CREBBP: variants seen among roughly 807,000 people sequenced by gnomAD.
The protein encoded by CREBBP is CREB-binding protein.
CREBBP carries 19 observed loss-of-function variants against 265.0 expected under a neutral mutation model. The observed-to-expected ratio is 0.07, with a 90% CI of 0.05 to 0.11. CREBBP has a LOEUF of 0.11. CREBBP is among the 10% of genes least tolerant of loss of function. The probability of loss-of-function intolerance (pLI) is 1.00; values close to 1 mark genes in which losing one functional copy is unlikely to be tolerated. For synonymous variants in CREBBP, 1,457 were observed against 1,223.7 expected (o/e 1.19, Z -3.98); for missense variants, 2,525 against 3,219.0 (o/e 0.78, Z 5.22).
intron 5 of CREBBP, among the ~76,000 whole-genome samples, chr16:3,791,012 G>A (rs976348383): frequency 2.6e-5 from 4 of 152,118 alleles, no homozygotes; most frequent in Non-Finnish European, 5.9e-5. Flanking sequence ...GAATGAACAC[G>A]TAATACACAA....
intron 2 of CREBBP, among the ~76,000 whole-genome samples, chr16:3,849,035 T>C (rs973327338): frequency 1.3e-5 from 2 of 152,214 alleles, no homozygotes; most frequent in African/African-American, 2.4e-5. Flanking sequence ...TGTTCTACTC[T>C]TATTCTCCCT....
intron 3 of CREBBP, among the ~76,000 whole-genome samples, chr16:3,801,582 A>C (rs1430352219): frequency 5.3e-5 from 8 of 152,176 alleles, no homozygotes; most frequent in Non-Finnish European, 8.8e-5. Flanking sequence ...AGGCAAAAGA[A>C]TCGCTTGAAC....
chr16:3,745,045 T>C (rs2052308755), intron 22 of CREBBP, 84 bp from the exon 23 acceptor site: 5 of 1,089,816 alleles, frequency 4.6e-6, no homozygotes, highest in Admixed American at 3.5e-5. Context: ...AGATAGTTTG[T>C]TGGCAGTTTA....
At position 3,744,952 on chromosome 16, in the gene CREBBP, G is replaced by A. The variant is rs146817265; in HGVS notation, c.3924C>T (p.Cys1308=). ...TGCCAGTTTTCTTCAAGCAGTTGTC[G>A]CACACAAAACTGCAAAATAATAGTG... is the stretch of plus-strand genomic sequence containing the variant. ...YDIIWPSGFV[C]DNCLKKTGRP... is the part of the protein sequence containing the mutation. The change falls in exon 23 of 31, where the codon TGC becomes TGT. Residue 1308 remains cysteine, a synonymous_variant. Transcript: ENST00000262367. 1.1e-5 allele frequency: 17 copies of A among 1,612,770 alleles called. No homozygotes were observed. The highest frequency in any genetic ancestry group is 1.6e-4 in the Middle Eastern group (1 of 6,084).
intron 1 of CREBBP, among the ~76,000 whole-genome samples, chr16:3,873,419 TACACTATC>T (rs2055339223): frequency 6.6e-6 from 1 of 152,228 alleles, no homozygotes; most frequent in Non-Finnish European, 1.5e-5. Flanking sequence ...GCTGAGGTGC[TACACTATC>T]ACACGCGTGC....
At chr16:3,878,592 G>GT (rs952658819) in intron 1 of CREBBP, among the ~76,000 whole-genome samples, 1 of 152,058 alleles carries the variant, frequency 6.6e-6, no homozygotes, top group Non-Finnish European at 1.5e-5. Flanking sequence ...AGCAATAGCA[G>GT]TTTTTTTTAA....
At position 3,731,408 on chromosome 16, in the gene CREBBP, G is replaced by C; in HGVS notation, c.4956C>G (p.Pro1652=). ...VINTLPPIVD[P]DPLLSCDLMD... ...TGAGGTCACAGCTGAGCAGGGGGTC[G>C]GGGTCGACGATGGGGGGCAGGGTGT... The change falls in exon 30 of 31, where the codon CCC becomes CCG. Residue 1652 remains proline, a synonymous_variant. Coordinates refer to ENST00000262367, the MANE Select transcript of CREBBP (RefSeq NM_004380.3). The surrounding 1 kb of genome is among the most constrained non-coding windows in gnomAD (Gnocchi z 7.7). 2 of 1,607,692 alleles carry C rather than the reference G, an allele frequency of 1.2e-6. No homozygotes were observed. Among genetic ancestry groups the C allele is most frequent in the Non-Finnish European group, 1.7e-6 (2 of 1,177,470 alleles).
In CREBBP at chr16:3,731,186, G is replaced by A. The variant is rs953244719; in HGVS notation, c.5172+6C>T. 1.9e-6 allele frequency: 3 copies of A among 1,608,806 alleles called. No individual in the cohort carries two copies. The highest frequency in any genetic ancestry group is 2.5e-6 in the Non-Finnish European group (3 of 1,176,888). ...CTGTGGGGGTGGGGGTGGGGGCAGG[G>A]CCTACCTCGCACACAGTGCAGTGCC... On this transcript the variant is annotated splice_donor_region_variant and intron_variant, in intron 30 of 30. Transcript: ENST00000262367. The surrounding 1 kb of genome is among the most constrained non-coding windows in gnomAD (Gnocchi z 7.7).
chr16:3,737,601 G>A (rs1429343076), intron 26 of CREBBP, among the ~76,000 whole-genome samples: 5 of 151,192 alleles, frequency 3.3e-5, no homozygotes, highest in African/African-American at 1.2e-4. Flanking sequence ...CTGGGATTAC[G>A]CTAGGCACCC....
At chr16:3,861,983 C>A (rs763758782) in intron 1 of CREBBP, among the ~76,000 whole-genome samples, 1 of 152,170 alleles carries the variant, frequency 6.6e-6, no homozygotes, top group Non-Finnish European at 1.5e-5. Context: ...CGGCAGCCCC[C>A]ACCCTCTCCT....
At chr16:3,803,352 A>G (rs2053763952) in intron 3 of CREBBP, among the ~76,000 whole-genome samples, 1 of 149,252 alleles carries the variant, frequency 6.7e-6, no homozygotes, top group Non-Finnish European at 1.5e-5. Flanking sequence ...TAAAAATACA[A>G]AAATTAGCCA....
At chr16:3,771,608 T>C (rs915188076) in intron 13 of CREBBP, among the ~76,000 whole-genome samples, 1 of 151,942 alleles carries the variant, frequency 6.6e-6, no homozygotes, top group African/African-American at 2.4e-5. Flanking sequence ...CGCCTGAAAC[T>C]GCGGATAGTA....
rs950174715 is a variant in CREBBP, at chr16:3,796,463, T to C, written c.976-2837A>G. On this transcript the variant is annotated intron_variant, in intron 3 of 30. Coordinates refer to ENST00000262367, the MANE Select transcript of CREBBP (RefSeq NM_004380.3). ...GTGCAGTGGCGCCACCTCAGCTTAC[T>C]GCAACCTCTGCCTCCTGGGTTCAAG... 6.6e-5 allele frequency among the ~76,000 whole-genome samples: 10 copies of C among 151,762 alleles called. No homozygotes were observed. In the East Asian group the frequency reaches 1.9e-3, roughly 30 times the overall value.
At chr16:3,823,612 G>C (rs548534145) in intron 2 of CREBBP, among the ~76,000 whole-genome samples, 1 of 152,208 alleles carries the variant, frequency 6.6e-6, no homozygotes, top group East Asian at 1.9e-4. Flanking sequence ...TTTCTCCTCA[G>C]ACATCCCACG....
intron 8 of CREBBP, among the ~76,000 whole-genome samples, chr16:3,779,225 G>GT (rs1280441087): frequency 6.6e-6 from 1 of 151,224 alleles, no homozygotes; most frequent in Non-Finnish European, 1.5e-5. Flanking sequence ...CCAGGCTGGA[G>GT]TACAGTGGCA....
intron 2 of CREBBP, among the ~76,000 whole-genome samples, chr16:3,814,467 G>A (rs1254246337): frequency 6.6e-6 from 1 of 151,924 alleles, no homozygotes; most frequent in Non-Finnish European, 1.5e-5. Flanking sequence ...TGTTGGCCAC[G>A]CTGGCCTCAA....
At chr16:3,824,454 C>T (rs2054200320) in intron 2 of CREBBP, among the ~76,000 whole-genome samples, 1 of 152,234 alleles carries the variant, frequency 6.6e-6, no homozygotes, top group Non-Finnish European at 1.5e-5. Flanking sequence ...TTAAAATGAA[C>T]ACGGAAACTG....
At position 3,725,410 on chromosome 16, in the gene CREBBP, A is replaced by G. The variant is rs984020080; in HGVS notation, c.*2308T>C. 6.4e-5 allele frequency: 15 copies of G among 233,180 alleles called. No homozygotes were observed. The highest frequency in any genetic ancestry group is 1.2e-4 in the Non-Finnish European group (14 of 118,046). The allele number at this position is 233,180 out of a possible 1,614,324, so 14.4% of individuals were successfully genotyped here. A position where few individuals can be genotyped will look rare whatever the true frequency, so the allele number is the denominator to read the frequency against. On this transcript the variant is annotated 3_prime_UTR_variant, in exon 31 of 31. Transcript: ENST00000262367. ...AAGGCTGCACAACCAGGAGGGCGCCACTTTCTGAGTGTGGGCTTAGAGCTG... is the reference window on the plus strand; with the variant it reads ...AAGGCTGCACAACCAGGAGGGCGCCGCTTTCTGAGTGTGGGCTTAGAGCTG...
intron 2 of CREBBP, among the ~76,000 whole-genome samples, chr16:3,824,968 T>A (rs536434859): frequency 6.6e-6 from 1 of 152,296 alleles, no homozygotes; most frequent in East Asian, 1.9e-4. Context: ...GGATAGCACA[T>A]GGGAAAATGC....
Sources: allele counts gnomAD v4.1 joint callset (sites outside exome capture counted in the v4.1 genomes callset), GRCh38; gene constraint gnomAD v4.1.1; non-coding constraint Gnocchi (gnomAD v3.1); transcripts MANE v1.5; gene names NCBI Gene and HGNC (gene_info 2026-07-23, HGNC 2026-07-21).